Variants in CSMD2 observed in about 807,000 individuals in gnomAD.
CSMD2 encodes the protein CUB and sushi domain-containing protein 2.
CSMD2 carries 130 observed loss-of-function variants against 398.5 expected under a neutral mutation model. That is an observed-to-expected ratio of 0.33 (90% confidence interval 0.28 to 0.38). The LOEUF (loss-of-function observed/expected upper bound fraction) is 0.38. CSMD2 is among the 10% of genes least tolerant of loss of function. The pLI, the probability that CSMD2 is intolerant of heterozygous loss-of-function variation, is 1.00. For missense variants in CSMD2, 3,829 were observed against 4,764.9 expected, an observed-to-expected ratio of 0.80 and a Z score of 5.78; for synonymous variants, 1,828 against 1,908.5, an observed-to-expected ratio of 0.96 and a Z score of 1.10.
chr1:33,693,777 G>C (rs1337476201), intron 24 of CSMD2, among the ~76,000 whole-genome samples: 1 of 152,072 alleles, frequency 6.6e-6, no homozygotes, highest in Non-Finnish European at 1.5e-5. Context: ...AATCAAGGCG[G>C]CCGGGCATGG....
chr1:33,799,450 G>A (rs1428031656), intron 10 of CSMD2, among the ~76,000 whole-genome samples: 2 of 152,220 alleles, frequency 1.3e-5, no homozygotes, highest in East Asian at 3.9e-4. Context: ...GCTCCATTTT[G>A]ATCTAGTTCA....
chr1:33,531,559 A>G lies in CSMD2; in HGVS notation c.10171+1491T>C, dbSNP rs527359294. Among the ~76,000 whole-genome samples, 3 of 152,384 alleles carry G rather than the reference A, an allele frequency of 2.0e-5. No homozygotes were observed. The East Asian group carries it at 5.8e-4, about 29-fold the overall frequency. On this transcript the variant is annotated intron_variant, in intron 64 of 70. Coordinates refer to ENST00000373381, the MANE Select transcript of CSMD2 (RefSeq NM_001281956.2). Reference sequence around the variant, plus strand: ...TATTTGTAATAGCCAAAAAGTGGAAACAGCCTAAACAGCCATCAACAGGTG... The same window carrying G: ...TATTTGTAATAGCCAAAAAGTGGAAGCAGCCTAAACAGCCATCAACAGGTG...
At chr1:34,145,708 G>A (rs1374048047) in intron 1 of CSMD2, among the ~76,000 whole-genome samples, 1 of 152,184 alleles carries the variant, frequency 6.6e-6, no homozygotes, top group African/African-American at 2.4e-5. Context: ...TTGTGTCGAG[G>A]AACGGGGAGG....
intron 1 of CSMD2, among the ~76,000 whole-genome samples, chr1:34,092,507 T>G (rs978161900): frequency 2.0e-5 from 3 of 152,098 alleles, no homozygotes; most frequent in Non-Finnish European, 4.4e-5. Flanking sequence ...CAGGTTCATC[T>G]CACTAGGGAG....
At position 34,037,829 on chromosome 1, in the gene CSMD2, C is replaced by A. The variant is rs77732496; in HGVS notation, c.405-5123G>T. Among the ~76,000 whole-genome samples, 1,236 of 152,268 alleles carry A rather than the reference C, an allele frequency of 8.1e-3. 15 individuals are homozygous for A. The highest frequency in any genetic ancestry group is 0.026 in the African/African-American group (1,078 of 41,570). On this transcript the variant is annotated intron_variant, in intron 2 of 70. Transcript: ENST00000373381. ...TAGTTCCAGTATATTTTTGCACTGCCATTAAAGATTCCTAGACCCTAGTTT... is the reference window on the plus strand; with the variant it reads ...TAGTTCCAGTATATTTTTGCACTGCAATTAAAGATTCCTAGACCCTAGTTT...
At chr1:33,757,743 C>G (rs184698340) in intron 13 of CSMD2, among the ~76,000 whole-genome samples, 1 of 152,328 alleles carries the variant, frequency 6.6e-6, no homozygotes, top group East Asian at 1.9e-4. Context: ...CCATGAATGA[C>G]AACACCCAGT....
At chr1:33,867,403 C>G (rs1013301949) in intron 5 of CSMD2, among the ~76,000 whole-genome samples, 4 of 152,228 alleles carry the variant, frequency 2.6e-5, no homozygotes, top group Admixed American at 2.0e-4. Flanking sequence ...TTGGCCCTGG[C>G]TGACCAAGGC....
At chr1:33,744,120 G>A (rs1437747726) in intron 13 of CSMD2, among the ~76,000 whole-genome samples, 1 of 152,034 alleles carries the variant, frequency 6.6e-6, no homozygotes, top group African/African-American at 2.4e-5. Flanking sequence ...TCGTGCTTTG[G>A]GTCCCTTGGG....
chr1:33,638,542 A>G (rs763818636), intron 29 of CSMD2, among the ~76,000 whole-genome samples: 3 of 152,246 alleles, frequency 2.0e-5, no homozygotes, highest in Non-Finnish European at 4.4e-5. Flanking sequence ...TTGTGTAAAC[A>G]CGAGTTAGAT....
chr1:33,557,610 A>T, intron 55 of CSMD2, 124 bp downstream of exon 55: 4 of 893,700 alleles, frequency 4.5e-6, no homozygotes, highest in South Asian at 1.7e-5. Flanking sequence ...CAACTCATAC[A>T]TGTGCAGACA....
chr1:33,910,643 G>A (rs1011337860), intron 5 of CSMD2, among the ~76,000 whole-genome samples: 2 of 152,136 alleles, frequency 1.3e-5, no homozygotes, highest in African/African-American at 4.8e-5. Context: ...AGGTTTATCC[G>A]AGGGCTTTTG....
chr1:33,544,660 G>T (rs1337118344), intron 57 of CSMD2, among the ~76,000 whole-genome samples: 1 of 152,046 alleles, frequency 6.6e-6, no homozygotes, highest in East Asian at 1.9e-4. Flanking sequence ...CCTGGGAAGG[G>T]TGAGTCAGGG....
At chr1:33,576,654 G>A (rs1337043860) in intron 49 of CSMD2, among the ~76,000 whole-genome samples, 1 of 152,080 alleles carries the variant, frequency 6.6e-6, no homozygotes, top group Non-Finnish European at 1.5e-5. Flanking sequence ...ACAGCATTAT[G>A]GGAAACAAAA....
intron 44 of CSMD2, among the ~76,000 whole-genome samples, chr1:33,593,635 G>A (rs534919706): frequency 1.3e-5 from 2 of 152,276 alleles, no homozygotes; most frequent in South Asian, 2.1e-4. Context: ...GGAATTGTGG[G>A]AGTTACAATT....
chr1:33,666,541 A>ATGTGTGTGTGTG lies in CSMD2; in HGVS notation c.4053-3461_4053-3450dup, dbSNP rs67825405. On this transcript the variant is annotated intron_variant, in intron 25 of 70. Transcript: ENST00000373381. The stretch of plus-strand genomic sequence containing the variant: ...TAGTTATTTATTGTCAGATATATAT[A>ATGTGTGTGTGTG]TGTGTGTGTGTGTGTGTGTGTGTGT... Among the ~76,000 whole-genome samples, 15 of 148,740 alleles carry ATGTGTGTGTGTG rather than the reference A, an allele frequency of 1.0e-4. No individual in the cohort carries two copies. In the South Asian group the frequency reaches 2.2e-3, roughly 21 times the overall value.
intron 44 of CSMD2, among the ~76,000 whole-genome samples, chr1:33,588,243 G>C (rs1639213872): frequency 6.6e-6 from 1 of 152,086 alleles, no homozygotes; most frequent in Non-Finnish European, 1.5e-5. Context: ...AAATATGATT[G>C]AAATAACTTC....
intron 5 of CSMD2, among the ~76,000 whole-genome samples, chr1:33,860,259 T>A (rs1003584231): frequency 2.6e-5 from 4 of 152,360 alleles, no homozygotes; most frequent in Admixed American, 2.0e-4. Context: ...TTGCCCTGGT[T>A]TTTTAAAATC....
chr1:34,044,530 G>A (rs1652255533), intron 2 of CSMD2, among the ~76,000 whole-genome samples: 1 of 139,066 alleles, frequency 7.2e-6, no homozygotes, highest in South Asian at 2.6e-4. Context: ...ACAATCATGA[G>A]GCTGTTGCTA....
At chr1:34,091,674 G>A (rs910463311) in intron 1 of CSMD2, among the ~76,000 whole-genome samples, 7 of 152,100 alleles carry the variant, frequency 4.6e-5, no homozygotes, top group Admixed American at 4.6e-4. Context: ...AAGGTCTTCT[G>A]AATAAATCCT....
Sources: gnomAD v4.1 joint callset for allele counts (sites outside exome capture counted in the v4.1 genomes callset) on GRCh38, gnomAD v4.1.1 for gene constraint, MANE v1.5 for transcripts, NCBI Gene and HGNC (gene_info 2026-07-23, HGNC 2026-07-21) for gene names.